Variants in IMMP2L observed in about 807,000 individuals in gnomAD.
IMMP2L encodes inner mitochondrial membrane peptidase subunit 2.
Under a neutral mutation model 19.3 loss-of-function variants are expected in IMMP2L, and 18 were observed. The ratio of observed to expected loss-of-function variants is 0.93; its 90% CI spans 0.64 to 1.38. IMMP2L has a LOEUF of 1.38. Among genes scored for constraint, IMMP2L ranks in the 40% most tolerant of loss-of-function variants. The pLI, the probability that IMMP2L is intolerant of heterozygous loss-of-function variation, is 0.00. For missense variants in IMMP2L, 233 were observed against 218.2 expected, an observed-to-expected ratio of 1.07 and a Z score of -0.43; for synonymous variants, 76 against 73.0, an observed-to-expected ratio of 1.04 and a Z score of -0.21.
At chr7:110,761,865 C>T (rs1007796211) in intron 5 of IMMP2L, among the ~76,000 whole-genome samples, 17 of 152,170 alleles carry the variant, frequency 1.1e-4, no homozygotes, top group African/African-American at 4.1e-4. Flanking sequence ...CTAGTGTCAT[C>T]ATGACAATTG....
intron 4 of IMMP2L, among the ~76,000 whole-genome samples, chr7:110,948,428 C>T (rs1167086083): frequency 2.0e-5 from 3 of 152,122 alleles, no homozygotes; most frequent in African/African-American, 4.8e-5. Context: ...TCCATTTTCT[C>T]TCTACTATTG....
intron 1 of IMMP2L, among the ~76,000 whole-genome samples, chr7:111,527,250 T>A (rs1846957859): frequency 6.6e-6 from 1 of 151,872 alleles, no homozygotes; most frequent in Non-Finnish European, 1.5e-5. Flanking sequence ...AAGACTTCCA[T>A]CTCTAAAAAT....
intron 3 of IMMP2L, among the ~76,000 whole-genome samples, chr7:111,314,313 G>A (rs1015122769): frequency 6.6e-5 from 10 of 152,172 alleles, no homozygotes; most frequent in Middle Eastern, 3.4e-3. Flanking sequence ...CAAAGCATAA[G>A]ATGTCCTGGA....
At chr7:111,287,407 A>G (rs1820609910) in intron 3 of IMMP2L, among the ~76,000 whole-genome samples, 1 of 152,166 alleles carries the variant, frequency 6.6e-6, no homozygotes, top group Non-Finnish European at 1.5e-5. Flanking sequence ...ACTGCTACGT[A>G]AAGCCACCAT....
At chr7:111,274,311 G>C (rs1238475945) in intron 3 of IMMP2L, among the ~76,000 whole-genome samples, 1 of 152,090 alleles carries the variant, frequency 6.6e-6, no homozygotes, top group Non-Finnish European at 1.5e-5. Context: ...GCTAAAATGA[G>C]TCTTAAATAA....
At chr7:111,511,265 G>A (rs1457635534) in intron 2 of IMMP2L, among the ~76,000 whole-genome samples, 2 of 151,966 alleles carry the variant, frequency 1.3e-5, no homozygotes, top group African/African-American at 2.4e-5. Flanking sequence ...TGACACCATC[G>A]CTCCCCTGGA....
intron 3 of IMMP2L, among the ~76,000 whole-genome samples, chr7:111,281,110 G>A (rs1819666873): frequency 1.6e-5 from 1 of 61,434 alleles, no homozygotes; most frequent in Non-Finnish European, 2.8e-5. Context: ...GAGAAAGAGA[G>A]AAAGAGAGAA....
intron 1 of IMMP2L, among the ~76,000 whole-genome samples, chr7:111,525,548 G>A (rs1473028074): frequency 6.6e-6 from 1 of 152,086 alleles, no homozygotes; most frequent in East Asian, 1.9e-4. Context: ...GTGGTCCAGG[G>A]CAAGAGATGA....
intron 3 of IMMP2L, among the ~76,000 whole-genome samples, chr7:111,305,139 T>C (rs555064831): frequency 1.2e-4 from 18 of 151,988 alleles, no homozygotes; most frequent in African/African-American, 4.1e-4. Context: ...TCCAGAGTCT[T>C]GCAAGGGTTA....
intron 3 of IMMP2L, among the ~76,000 whole-genome samples, chr7:111,101,602 A>T (rs1586269334): frequency 6.6e-6 from 1 of 151,686 alleles, no homozygotes; most frequent in Middle Eastern, 3.4e-3. Context: ...ACATAGGTAC[A>T]ACAGGTACAA....
chr7:111,454,502 G>A (rs1350130486), intron 3 of IMMP2L, among the ~76,000 whole-genome samples: 1 of 151,700 alleles, frequency 6.6e-6, no homozygotes, highest in Non-Finnish European at 1.5e-5. Flanking sequence ...CTCACTAAAG[G>A]AAGTATAAAA....
intron 1 of IMMP2L, among the ~76,000 whole-genome samples, chr7:111,536,084 A>T (rs189035784): frequency 6.6e-6 from 1 of 152,274 alleles, no homozygotes; most frequent in African/African-American, 2.4e-5. Context: ...TATGAAAAAA[A>T]TTTGATTACT....
chr7:111,082,974 A>T (rs1433700304), intron 3 of IMMP2L, among the ~76,000 whole-genome samples: 4 of 152,042 alleles, frequency 2.6e-5, no homozygotes, highest in African/African-American at 9.7e-5. Flanking sequence ...AAAGACTACT[A>T]CTCTGATTTT....
At chr7:111,018,378 C>G (rs1825916394) in intron 3 of IMMP2L, among the ~76,000 whole-genome samples, 1 of 152,170 alleles carries the variant, frequency 6.6e-6, no homozygotes, top group South Asian at 2.1e-4. Context: ...ACCTCTGGAT[C>G]CTTCACTTAC....
chr7:110,960,070 T>C (rs1177454738), intron 4 of IMMP2L, among the ~76,000 whole-genome samples: 1 of 152,012 alleles, frequency 6.6e-6, no homozygotes, highest in African/African-American at 2.4e-5. Context: ...AGCTGTGTTA[T>C]CTTTGGATTT....
At position 110,897,729 on chromosome 7, in the gene IMMP2L, A is replaced by G. The variant is rs1811465149; in HGVS notation, c.306-11034T>C. Reference sequence around the variant, plus strand: ...GTTTAATAAATGATGGTATGTCCATACCATGGAATGCTATATAACCCATAA... The same window carrying G: ...GTTTAATAAATGATGGTATGTCCATGCCATGGAATGCTATATAACCCATAA... On this transcript the variant is annotated intron_variant, in intron 4 of 5. Coordinates refer to ENST00000405709, the MANE Select transcript of IMMP2L (RefSeq NM_032549.4). 2.0e-5 allele frequency among the ~76,000 whole-genome samples: 3 copies of G among 150,716 alleles called. No homozygotes were observed. The South Asian group carries it at 6.2e-4, about 31-fold the overall frequency.
intron 3 of IMMP2L, among the ~76,000 whole-genome samples, chr7:111,405,435 C>T (rs1287836725): frequency 3.3e-5 from 5 of 151,958 alleles, no homozygotes; most frequent in Admixed American, 6.6e-5. Context: ...ATTATTAGAA[C>T]TTCACACTCA....
At chr7:111,012,625 T>C (rs956463591) in intron 3 of IMMP2L, among the ~76,000 whole-genome samples, 4 of 152,274 alleles carry the variant, frequency 2.6e-5, no homozygotes, top group Admixed American at 2.0e-4. Context: ...TAAATATAGA[T>C]TTAGAGCGAC....
intron 3 of IMMP2L, among the ~76,000 whole-genome samples, chr7:111,013,431 C>A (rs948196428): frequency 6.6e-6 from 1 of 152,114 alleles, no homozygotes; most frequent in Non-Finnish European, 1.5e-5. Context: ...AACAGGCTTA[C>A]TTTTCGAGGT....
Sources: gnomAD v4.1 joint callset for allele counts (sites outside exome capture counted in the v4.1 genomes callset) on GRCh38, gnomAD v4.1.1 for gene constraint, MANE v1.5 for transcripts, NCBI Gene and HGNC (gene_info 2026-07-23, HGNC 2026-07-21) for gene names.